TRABD2B: variants seen among roughly 807,000 people sequenced by gnomAD.
The protein encoded by TRABD2B is TraB domain containing 2B.
Under a neutral mutation model 40.1 loss-of-function variants are expected in TRABD2B, and 14 were observed. That is an observed-to-expected ratio of 0.35 (90% CI 0.23 to 0.55). TRABD2B has a LOEUF of 0.55. Ranked by LOEUF, TRABD2B falls within the 20% of genes least tolerant of loss-of-function variation. TRABD2B has a pLI of 0.90. For synonymous variants in TRABD2B, 263 were observed against 277.0 expected (o/e 0.95, Z 0.50); for missense variants, 541 against 648.6 (o/e 0.83, Z 1.80).
chr1:47,965,225 G>C (rs1317685285), intron 2 of TRABD2B, among the ~76,000 whole-genome samples: 2 of 117,736 alleles, frequency 1.7e-5, no homozygotes, highest in Non-Finnish European at 3.6e-5. Flanking sequence ...GGGGGGGGTG[G>C]GGGGGGTGGA....
Position 47,844,279 on chromosome 1 carries a change from C to T in TRABD2B, c.667-42660G>A, listed in dbSNP as rs908141772. 3.9e-5 allele frequency among the ~76,000 whole-genome samples: 6 copies of T among 152,162 alleles called. 1 individual carries two copies. The highest frequency in any genetic ancestry group is 9.7e-5 in the African/African-American group (4 of 41,440). Reference sequence around the variant, plus strand: ...TTTTTCTCCCGGAGCCCACAAGAGTCGTGTGTGTCCATGCCTGCCCAGAGT... The same window carrying T: ...TTTTTCTCCCGGAGCCCACAAGAGTTGTGTGTGTCCATGCCTGCCCAGAGT... On this transcript the variant is annotated intron_variant, in intron 2 of 6. Coordinates refer to ENST00000606738, the MANE Select transcript of TRABD2B (RefSeq NM_001194986.2).
At chr1:47,819,921 A>G (rs1645083313) in intron 2 of TRABD2B, 1 of 152,154 alleles carries the variant, frequency 6.6e-6, no homozygotes, top group African/African-American at 2.4e-5. Flanking sequence ...CTTCTGCATG[A>G]ATCTGCGAAA....
chr1:47,817,125 T>A (rs1015273600), intron 2 of TRABD2B, among the ~76,000 whole-genome samples: 1 of 150,498 alleles, frequency 6.6e-6, no homozygotes, highest in Non-Finnish European at 1.5e-5. Context: ...AGGGGAGGAG[T>A]GGCTGGTGTG....
At chr1:47,783,991 C>T (rs1474552675) in intron 4 of TRABD2B, among the ~76,000 whole-genome samples, 1 of 152,182 alleles carries the variant, frequency 6.6e-6, no homozygotes, top group Non-Finnish European at 1.5e-5. Flanking sequence ...TCTCATGGGT[C>T]CTCCCACCTC....
intron 2 of TRABD2B, among the ~76,000 whole-genome samples, chr1:47,947,212 C>G (rs1645271526): frequency 6.6e-6 from 1 of 152,198 alleles, no homozygotes; most frequent in Non-Finnish European, 1.5e-5. Flanking sequence ...GTCATCTCTA[C>G]TAATGCTTAT....
chr1:47,846,231 G>A (rs1200819777), intron 2 of TRABD2B, among the ~76,000 whole-genome samples: 1 of 152,248 alleles, frequency 6.6e-6, no homozygotes, highest in African/African-American at 2.4e-5. Context: ...TTACAGGAAA[G>A]TTGAAGTGGC....
chr1:47,773,103 A>G (rs903391900), intron 6 of TRABD2B, among the ~76,000 whole-genome samples: 6 of 152,226 alleles, frequency 3.9e-5, no homozygotes, highest in Non-Finnish European at 8.8e-5. Context: ...CTGACAGCCC[A>G]GCTTCCCGTC....
chr1:47,775,703 G>C lies in TRABD2B; in HGVS notation c.1080-264C>G, dbSNP rs1171588428. On this transcript the variant is annotated intron_variant, in intron 5 of 6. Transcript: ENST00000606738. ...GCACTTTTTTAGGAGGTAGGTATCA[G>C]CATGATGGAAACAGACAATGCCTCT... Among the ~76,000 whole-genome samples, 2 of 152,224 alleles carry C rather than the reference G, an allele frequency of 1.3e-5. 1 individual carries two copies. Among genetic ancestry groups the C allele is most frequent in the African/African-American group, 4.8e-5 (2 of 41,454 alleles).
At chr1:47,776,488 T>C (rs987886884) in intron 5 of TRABD2B, among the ~76,000 whole-genome samples, 1 of 152,240 alleles carries the variant, frequency 6.6e-6, no homozygotes. Flanking sequence ...CAAATAGACC[T>C]GGCTGTCAGG....
chr1:47,857,170 G>A (rs1471266973), intron 2 of TRABD2B, among the ~76,000 whole-genome samples: 1 of 152,214 alleles, frequency 6.6e-6, no homozygotes, highest in African/African-American at 2.4e-5. Context: ...CAAGTGGGCA[G>A]TCTTGGTGCA....
chr1:47,933,262 C>G (rs369472459), intron 2 of TRABD2B, among the ~76,000 whole-genome samples: 6 of 151,946 alleles, frequency 3.9e-5, no homozygotes, highest in Non-Finnish European at 8.8e-5. Context: ...CCCGCCACCA[C>G]GCCTGGCTAA....
intron 2 of TRABD2B, among the ~76,000 whole-genome samples, chr1:47,992,752 C>T (rs964371733): frequency 6.6e-6 from 1 of 152,170 alleles, no homozygotes; most frequent in Non-Finnish European, 1.5e-5. Context: ...GATTTTCCCC[C>T]GTGGAGAAGG....
At chr1:47,916,255 C>T (rs1415136528) in intron 2 of TRABD2B, among the ~76,000 whole-genome samples, 1 of 152,188 alleles carries the variant, frequency 6.6e-6, no homozygotes, top group Admixed American at 6.5e-5. Flanking sequence ...CACCACCTCC[C>T]CTTGCAGCTG....
At chr1:47,917,802 A>G (rs184164593) in intron 2 of TRABD2B, among the ~76,000 whole-genome samples, 107 of 152,154 alleles carry the variant, frequency 7.0e-4, no homozygotes, top group African/African-American at 2.4e-3. Flanking sequence ...CTTTTCCTGA[A>G]CAAATACTCC....
chr1:47,846,030 G>A (rs985590749), intron 2 of TRABD2B, among the ~76,000 whole-genome samples: 1 of 152,166 alleles, frequency 6.6e-6, no homozygotes, highest in Non-Finnish European at 1.5e-5. Flanking sequence ...ATTTGCAAAG[G>A]GGGTCTGCGT....
At chr1:47,838,906 T>G (rs768686178) in intron 2 of TRABD2B, among the ~76,000 whole-genome samples, 8 of 152,178 alleles carry the variant, frequency 5.3e-5, no homozygotes, top group African/African-American at 1.9e-4. Context: ...GGGAGAGATG[T>G]CCAGGCAGGG....
intron 2 of TRABD2B, among the ~76,000 whole-genome samples, chr1:47,879,749 T>C (rs1481276960): frequency 2.6e-5 from 4 of 152,248 alleles, no homozygotes; most frequent in African/African-American, 4.8e-5. Context: ...TTAGATGTCA[T>C]CTATAACTTG....
intron 3 of TRABD2B, chr1:47,795,792 G>T: frequency 1.3e-6 from 1 of 760,472 alleles, no homozygotes; most frequent in Non-Finnish European, 1.6e-6. Context: ...AGGACATAAT[G>T]CAAATGCCTC....
intron 2 of TRABD2B, among the ~76,000 whole-genome samples, chr1:47,911,062 C>T (rs1644756610): frequency 6.6e-6 from 1 of 152,216 alleles, no homozygotes; most frequent in Non-Finnish European, 1.5e-5. Context: ...CTGAACCCTC[C>T]ATAGCTTCCT....
Sources: allele counts gnomAD v4.1 joint callset (sites outside exome capture counted in the v4.1 genomes callset), GRCh38; gene constraint gnomAD v4.1.1; transcripts MANE v1.5; gene names NCBI Gene and HGNC (gene_info 2026-07-23, HGNC 2026-07-21).